GAP43: variants seen among roughly 807,000 people sequenced by gnomAD.
The protein encoded by GAP43 is neuromodulin.
GAP43 carries 6 observed loss-of-function variants against 18.6 expected under a neutral mutation model. That is an observed-to-expected ratio of 0.32 (90% CI 0.18 to 0.64). The LOEUF (loss-of-function observed/expected upper bound fraction) is 0.64, where lower values mean the gene tolerates loss of function less well. GAP43 is among the 30% of genes least tolerant of loss of function. The pLI is 0.78. For missense variants in GAP43, 292 were observed against 295.5 expected (o/e 0.99, Z 0.09); for synonymous variants, 115 against 111.4 (o/e 1.03, Z -0.20).
rs538220909 is a variant in GAP43 at position 115,690,250 on chromosome 3, G to A, written c.628+13640G>A. ...CCACCCCCTGCCCACCATTGTCTGA[G>A]CCCTTCTGCAGCATCAGTCCCCAGC... On this transcript the variant is annotated intron_variant, in intron 2 of 2. Transcript: ENST00000305124. Among the ~76,000 whole-genome samples, 16 of 135,204 alleles carry A rather than the reference G, an allele frequency of 1.2e-4. No homozygotes were observed. In the South Asian group the frequency reaches 3.1e-3, roughly 26 times the overall value. 88.7% of individuals were successfully genotyped at this position (135,204 alleles called of 152,430 possible). A position where few individuals can be genotyped will look rare whatever the true frequency, so the allele number is the denominator to read the frequency against.
At chr3:115,692,011 A>G (rs1021937840) in intron 2 of GAP43, among the ~76,000 whole-genome samples, 9 of 152,216 alleles carry the variant, frequency 5.9e-5, no homozygotes, top group African/African-American at 2.2e-4. Context: ...TAAGCCTGGG[A>G]ACTGGATGGG....
intron 2 of GAP43, among the ~76,000 whole-genome samples, chr3:115,693,136 C>T (rs985538080): frequency 6.6e-6 from 1 of 152,136 alleles, no homozygotes; most frequent in Non-Finnish European, 1.5e-5. Flanking sequence ...ATGGTGTCCT[C>T]GTCTTTTCAA....
intron 1 of GAP43, chr3:115,658,711 C>G (rs1576985052): frequency 6.6e-6 from 1 of 152,320 alleles, no homozygotes; most frequent in South Asian, 2.1e-4. Context: ...GCCTCTTGCT[C>G]CCCGAACACC....
At chr3:115,699,494 T>G (rs754402443) in intron 2 of GAP43, among the ~76,000 whole-genome samples, 1 of 152,144 alleles carries the variant, frequency 6.6e-6, no homozygotes, top group African/African-American at 2.4e-5. Context: ...GAGAGATGCC[T>G]TGCAATTGAG....
At chr3:115,700,013 A>T (rs1027455670) in intron 2 of GAP43, among the ~76,000 whole-genome samples, 3 of 152,188 alleles carry the variant, frequency 2.0e-5, no homozygotes, top group Non-Finnish European at 4.4e-5. Flanking sequence ...AAAGGGCCTT[A>T]AATGACACCT....
chr3:115,635,232 T>C (rs752765935), intron 1 of GAP43, among the ~76,000 whole-genome samples: 11 of 152,134 alleles, frequency 7.2e-5, no homozygotes, highest in Non-Finnish European at 1.5e-4. Flanking sequence ...GAACTCAGGT[T>C]GGTATTAAAT....
At chr3:115,696,491 A>C (rs971340911) in intron 2 of GAP43, among the ~76,000 whole-genome samples, 6 of 149,374 alleles carry the variant, frequency 4.0e-5, no homozygotes, top group Non-Finnish European at 8.9e-5. Context: ...CAGCATATCC[A>C]CTAGGTCACC....
chr3:115,712,321 A>C (rs2972473), intron 2 of GAP43, among the ~76,000 whole-genome samples: 26,545 of 152,090 alleles, frequency 0.17, 2,499 homozygotes, highest in East Asian at 0.24. Context: ...TTGTTTCCTC[A>C]TCAGAGTCAG....
intron 2 of GAP43, among the ~76,000 whole-genome samples, chr3:115,690,713 A>G (rs1383135119): frequency 2.1e-5 from 3 of 143,910 alleles, no homozygotes; most frequent in African/African-American, 7.7e-5. Flanking sequence ...CTCTCCCCAT[A>G]TGAAGATCCT....
In GAP43 at chr3:115,646,632, G is replaced by T. The variant is rs552202272; in HGVS notation, c.30+22913G>T. ...AAAGCAGAAGTAACCTGAGACAAAA[G>T]AGGGAAAGCCCTTCGGATATCTTGA... On this transcript the variant is annotated intron_variant, in intron 1 of 2. Coordinates refer to ENST00000305124, the MANE Select transcript of GAP43 (RefSeq NM_002045.4). 3.0e-3 allele frequency among the ~76,000 whole-genome samples: 454 copies of T among 152,120 alleles called. 2 individuals are homozygous for T. The highest frequency in any genetic ancestry group is 0.01 in the African/African-American group (423 of 41,528).
intron 2 of GAP43, among the ~76,000 whole-genome samples, chr3:115,700,629 CA>C (rs1709285987): frequency 6.6e-6 from 1 of 152,048 alleles, no homozygotes; most frequent in African/African-American, 2.4e-5. Context: ...TTATTATGTA[CA>C]CTGAAGTTAA....
At chr3:115,649,633 G>T (rs574228803) in intron 1 of GAP43, among the ~76,000 whole-genome samples, 2 of 151,952 alleles carry the variant, frequency 1.3e-5, no homozygotes, top group South Asian at 4.2e-4. Flanking sequence ...AAGAGGACAA[G>T]AAATGTATTG....
chr3:115,707,103 T>C (rs1232290632), intron 2 of GAP43, among the ~76,000 whole-genome samples: 1 of 152,198 alleles, frequency 6.6e-6, no homozygotes, highest in Non-Finnish European at 1.5e-5. Flanking sequence ...CTTCTAGTCA[T>C]ATTATAATGG....
chr3:115,687,182 G>GA (rs1486940864), intron 2 of GAP43, among the ~76,000 whole-genome samples: 1 of 147,792 alleles, frequency 6.8e-6, no homozygotes. Context: ...AGTACAGTTT[G>GA]AAAAATGCAA....
intron 1 of GAP43, among the ~76,000 whole-genome samples, chr3:115,637,820 C>G (rs1489540355): frequency 6.6e-6 from 1 of 152,012 alleles, no homozygotes; most frequent in Non-Finnish European, 1.5e-5. Flanking sequence ...AAATCTCTTC[C>G]CCTTTCTTAT....
chr3:115,674,292 C>G (rs1300763766), intron 1 of GAP43, among the ~76,000 whole-genome samples: 1 of 152,146 alleles, frequency 6.6e-6, no homozygotes, highest in African/African-American at 2.4e-5. Flanking sequence ...AACAAAAGTT[C>G]AATGCTCAAG....
chr3:115,663,507 T>C, intron 1 of GAP43: 1 of 1,196,624 alleles, frequency 8.4e-7, no homozygotes, highest in Non-Finnish European at 1.0e-6. Flanking sequence ...GATATTTTTC[T>C]CTTTTGCTTT....
At chr3:115,692,361 T>A (rs1012637798) in intron 2 of GAP43, among the ~76,000 whole-genome samples, 1 of 152,300 alleles carries the variant, frequency 6.6e-6, no homozygotes, top group East Asian at 1.9e-4. Flanking sequence ...ATACGTATAA[T>A]TTCCACACTA....
intron 1 of GAP43, among the ~76,000 whole-genome samples, chr3:115,636,640 G>A (rs1708334114): frequency 6.6e-6 from 1 of 152,200 alleles, no homozygotes. Context: ...TTGCCTGCTG[G>A]CTAATCTTAC....
Sources: gnomAD v4.1 joint callset for allele counts (sites outside exome capture counted in the v4.1 genomes callset) on GRCh38, gnomAD v4.1.1 for gene constraint, MANE v1.5 for transcripts, NCBI Gene and HGNC (gene_info 2026-07-23, HGNC 2026-07-21) for gene names.